GPR39: variants seen among roughly 807,000 people sequenced by gnomAD.
GPR39 encodes G protein-coupled receptor 39, also known as zinc sensing receptor.
Under a neutral mutation model 18.4 loss-of-function variants are expected in GPR39, and 23 were observed. That is an observed-to-expected ratio of 1.25 (90% confidence interval 0.90 to 1.77). GPR39 has a LOEUF of 1.77. Ranked by LOEUF, GPR39 falls within the 40% of genes most tolerant of loss-of-function variation. The probability of loss-of-function intolerance (pLI) is 0.00; values close to 1 mark genes in which losing one functional copy is unlikely to be tolerated. For synonymous variants in GPR39, 280 were observed against 257.9 expected (o/e 1.09, Z -0.82); for missense variants, 647 against 602.4 (o/e 1.07, Z -0.78).
At chr2:132,424,359 C>T (rs781538466) in intron 1 of GPR39, among the ~76,000 whole-genome samples, 65 of 152,226 alleles carry the variant, frequency 4.3e-4, no homozygotes, top group Non-Finnish European at 7.5e-4. Flanking sequence ...TTTATGTCTC[C>T]ACCTTAAATT....
chr2:132,438,900 G>A (rs533432993), intron 1 of GPR39, among the ~76,000 whole-genome samples: 1 of 152,264 alleles, frequency 6.6e-6, no homozygotes, highest in South Asian at 2.1e-4. Flanking sequence ...GAATTCCCCT[G>A]CTCTGCCATG....
chr2:132,626,482 C>G (rs1018156054), intron 1 of GPR39, among the ~76,000 whole-genome samples: 2 of 152,172 alleles, frequency 1.3e-5, no homozygotes, highest in African/African-American at 4.8e-5. Flanking sequence ...AATGTCTCCC[C>G]TGAGGGAAGA....
Position 132,466,912 on chromosome 2 carries a change from T to A in GPR39, c.856+49014T>A, listed in dbSNP as rs565743358. Among the ~76,000 whole-genome samples the A allele has an allele frequency of 3.2e-4, 48 of 152,288 alleles. No homozygotes were observed. The South Asian group carries it at 9.7e-3, about 31-fold the overall frequency. On this transcript the variant is annotated intron_variant, in intron 1 of 1. Transcript: ENST00000329321. The stretch of plus-strand genomic sequence containing the variant: ...TATGCAGGAGCTCTCCCTCCCACAC[T>A]AGAGTGTGAACTGATTTCTCCTGCG...
At chr2:132,619,727 C>T (rs543678362) in intron 1 of GPR39, among the ~76,000 whole-genome samples, 22 of 152,088 alleles carry the variant, frequency 1.4e-4, no homozygotes, top group Non-Finnish European at 3.1e-4. Flanking sequence ...GGTAGTTAGG[C>T]AATTTGGTTT....
At chr2:132,557,130 C>G (rs578108316) in intron 1 of GPR39, among the ~76,000 whole-genome samples, 11 of 152,064 alleles carry the variant, frequency 7.2e-5, no homozygotes, top group Non-Finnish European at 1.6e-4. Flanking sequence ...ACCAGCCTGG[C>G]CAACATGGTG....
chr2:132,645,529 G>GAGTC lies in GPR39; in HGVS notation c.1287_1290dup (p.Leu431ValfsTer23). ...GTCTAAGTCCCAGTCATTGAGTCTC[G>GAGTC]AGTCACTAGAGCCCAACTCAGGCGC... is the stretch of plus-strand genomic sequence containing the variant. On this transcript the variant is annotated frameshift_variant, in exon 2 of 2. Coordinates refer to ENST00000329321, the MANE Select transcript of GPR39 (RefSeq NM_001508.3). LOFTEE classifies it low-confidence loss of function (END_TRUNC). 6.2e-7 allele frequency: 1 copy of GAGTC among 1,614,174 alleles called. No homozygotes were observed. The highest frequency in any genetic ancestry group is 8.5e-7 in the Non-Finnish European group (1 of 1,180,024).
chr2:132,453,522 T>C (rs1281195904), intron 1 of GPR39, among the ~76,000 whole-genome samples: 1 of 152,212 alleles, frequency 6.6e-6, no homozygotes, highest in Non-Finnish European at 1.5e-5. Flanking sequence ...TTGTTGCCAT[T>C]GCTTTTGGTG....
At chr2:132,639,406 A>C (rs180793153) in intron 1 of GPR39, among the ~76,000 whole-genome samples, 33 of 152,202 alleles carry the variant, frequency 2.2e-4, no homozygotes, top group Non-Finnish European at 4.0e-4. Context: ...AGAAATCCTA[A>C]ATCATCATCA....
chr2:132,613,372 G>C (rs1681268794), intron 1 of GPR39, among the ~76,000 whole-genome samples: 1 of 152,172 alleles, frequency 6.6e-6, no homozygotes, highest in African/African-American at 2.4e-5. Flanking sequence ...CCAGAAAACT[G>C]TCCCTTTCTC....
At chr2:132,503,888 C>T (rs1679087340) in intron 1 of GPR39, among the ~76,000 whole-genome samples, 1 of 152,154 alleles carries the variant, frequency 6.6e-6, no homozygotes, top group African/African-American at 2.4e-5. Flanking sequence ...GGAAAGCTAG[C>T]TGTCATAGGC....
chr2:132,596,726 T>G (rs751163814), intron 1 of GPR39, among the ~76,000 whole-genome samples: 1 of 152,236 alleles, frequency 6.6e-6, no homozygotes, highest in African/African-American at 2.4e-5. Flanking sequence ...AGCCTTGGCT[T>G]GGAACATTAT....
intron 1 of GPR39, among the ~76,000 whole-genome samples, chr2:132,637,168 C>T (rs1202538120): frequency 6.6e-6 from 1 of 152,226 alleles, no homozygotes; most frequent in African/African-American, 2.4e-5. Flanking sequence ...ACAATGATGA[C>T]CCTAAACTCC....
chr2:132,555,566 C>G (rs1680136299), intron 1 of GPR39, among the ~76,000 whole-genome samples: 1 of 152,106 alleles, frequency 6.6e-6, no homozygotes, highest in South Asian at 2.1e-4. Context: ...TGGCTGGGTC[C>G]CTCAAAGCAA....
intron 1 of GPR39, among the ~76,000 whole-genome samples, chr2:132,585,800 C>A (rs529113279): frequency 6.6e-6 from 1 of 151,884 alleles, no homozygotes; most frequent in Non-Finnish European, 1.5e-5. Flanking sequence ...CATTTCGGGG[C>A]GTGATCACGC....
intron 1 of GPR39, among the ~76,000 whole-genome samples, chr2:132,490,437 A>G (rs1397707203): frequency 6.6e-6 from 1 of 151,906 alleles, no homozygotes; most frequent in East Asian, 1.9e-4. Flanking sequence ...TTTATTCGAT[A>G]TTTAACGTAT....
chr2:132,493,843 G>A (rs1681582505), intron 1 of GPR39, among the ~76,000 whole-genome samples: 1 of 152,046 alleles, frequency 6.6e-6, no homozygotes, highest in Non-Finnish European at 1.5e-5. Flanking sequence ...GACCTAGGGT[G>A]TGTTGAAATC....
chr2:132,507,365 C>T (rs995672182), intron 1 of GPR39, among the ~76,000 whole-genome samples: 1 of 152,130 alleles, frequency 6.6e-6, no homozygotes, highest in African/African-American at 2.4e-5. Context: ...AGCCCCTGTC[C>T]TGCTACGTGG....
intron 1 of GPR39, among the ~76,000 whole-genome samples, chr2:132,560,975 G>A (rs61402637): frequency 0.074 from 11,071 of 149,730 alleles, 1,367 homozygotes; most frequent in African/African-American, 0.25. Context: ...GTGTAGTGGC[G>A]CCATCTCTAC....
intron 1 of GPR39, among the ~76,000 whole-genome samples, chr2:132,518,726 G>A (rs72983609): frequency 0.038 from 5,813 of 152,146 alleles, 167 homozygotes; most frequent in South Asian, 0.11. Context: ...AAAGAAATAG[G>A]TGACATTAAC....
Sources: allele counts gnomAD v4.1 joint callset (sites outside exome capture counted in the v4.1 genomes callset), GRCh38; gene constraint gnomAD v4.1.1; transcripts MANE v1.5; gene names NCBI Gene and HGNC (gene_info 2026-07-23, HGNC 2026-07-21).